The following GPHN variants were observed in gnomAD, a reference collection of about 807,000 sequenced individuals.
GPHN encodes the protein gephyrin.
A neutral mutation model predicts 95.5 loss-of-function variants in GPHN; 17 were observed. The observed-to-expected ratio is 0.18, with a 90% CI of 0.12 to 0.27. GPHN has a LOEUF of 0.27. GPHN is among the 10% of genes least tolerant of loss of function. The probability of loss-of-function intolerance (pLI) is 1.00; values close to 1 mark genes in which losing one functional copy is unlikely to be tolerated. For synonymous variants in GPHN, 320 were observed against 322.5 expected, an observed-to-expected ratio of 0.99 and a Z score of 0.08; for missense variants, 660 against 978.1, an observed-to-expected ratio of 0.67 and a Z score of 4.34.
chr14:66,704,232 A>G (rs2068847405), intron 2 of GPHN, among the ~76,000 whole-genome samples: 1 of 152,102 alleles, frequency 6.6e-6, no homozygotes, highest in South Asian at 2.1e-4. Context: ...AGACTTTAAC[A>G]CCCCACTGTC....
At chr14:66,542,730 C>T (rs759206378) in intron 1 of GPHN, among the ~76,000 whole-genome samples, 4 of 152,170 alleles carry the variant, frequency 2.6e-5, no homozygotes, top group Non-Finnish European at 5.9e-5. Context: ...CAGTTATTTG[C>T]TTTCCAATTG....
At chr14:67,263,958 A>C in the GPHN span, among the ~76,000 whole-genome samples, 1 of 152,176 alleles carries the variant, frequency 6.6e-6, no homozygotes, top group Admixed American at 6.5e-5. Context: ...ATTCACAGGC[A>C]TGATGATAGC....
chr14:66,586,920 A>T (rs1331153275), intron 1 of GPHN, among the ~76,000 whole-genome samples: 1 of 152,184 alleles, frequency 6.6e-6, no homozygotes, highest in African/African-American at 2.4e-5. Flanking sequence ...AAATAAGTGA[A>T]ATAGAGACTG....
chr14:67,065,390 T>C (rs1201387558), intron 11 of GPHN, among the ~76,000 whole-genome samples: 1 of 152,210 alleles, frequency 6.6e-6, no homozygotes, highest in Non-Finnish European at 1.5e-5. Context: ...AATGTGGTGC[T>C]GAGAAGACTG....
chr14:66,821,410 G>A (rs1391649879), intron 3 of GPHN, among the ~76,000 whole-genome samples: 2 of 152,054 alleles, frequency 1.3e-5, no homozygotes, highest in Non-Finnish European at 2.9e-5. Flanking sequence ...TTCTAATTCC[G>A]TGACACCACT....
the GPHN span, chr14:67,385,481 A>G: frequency 6.6e-6 from 1 of 151,660 alleles, no homozygotes; most frequent in Non-Finnish European, 1.5e-5. Flanking sequence ...TCTCCCATCA[A>G]AGCCTTTTCA....
At chr14:67,110,827 A>G (rs548225242) in intron 14 of GPHN, among the ~76,000 whole-genome samples, 6 of 152,206 alleles carry the variant, frequency 3.9e-5, no homozygotes, top group East Asian at 1.9e-4. Context: ...CCACCAAATG[A>G]CAGCCTGGAA....
chr14:67,446,200 G>A, the GPHN span: 114 of 367,534 alleles, frequency 3.1e-4, no homozygotes, highest in Non-Finnish European at 5.3e-4. Flanking sequence ...TCCCCTCTTG[G>A]GCTTCAGTTT....
the GPHN span, chr14:67,724,488 T>A: frequency 6.2e-7 from 1 of 1,608,884 alleles, no homozygotes; most frequent in Non-Finnish European, 8.5e-7. Flanking sequence ...TCTTTGCTGG[T>A]GGAGTGTGTA....
rs532973596 is a variant in GPHN at position 66,621,045 on chromosome 14, A to C, written c.65-60062A>C. ...ACTGGCGTGATCTTGGCTCACTGCA[A>C]GCTCTGCCTCCCGGGTTCACGCCAT... On this transcript the variant is annotated intron_variant, in intron 1 of 22. Transcript: ENST00000478722. 9.6e-4 allele frequency among the ~76,000 whole-genome samples: 146 copies of C among 152,054 alleles called. 1 individual carries two copies. In the Middle Eastern group the frequency reaches 0.034, roughly 35 times the overall value.
chr14:67,028,538 G>GT (rs1005025988), intron 10 of GPHN, among the ~76,000 whole-genome samples: 1 of 151,670 alleles, frequency 6.6e-6, no homozygotes, highest in African/African-American at 2.4e-5. Flanking sequence ...GTTAGTTTTT[G>GT]TTTTTTTATA....
At chr14:67,478,970 A>G in the GPHN span, among the ~76,000 whole-genome samples, 1 of 152,238 alleles carries the variant, frequency 6.6e-6, no homozygotes, top group African/African-American at 2.4e-5. Flanking sequence ...AAAGGCATGC[A>G]TATGTGCACA....
chr14:66,602,793 AG>A (rs925105446), intron 1 of GPHN, among the ~76,000 whole-genome samples: 86 of 152,016 alleles, frequency 5.7e-4, no homozygotes, highest in African/African-American at 1.9e-3. Context: ...TATATTAAGG[AG>A]GGGGGTGGAA....
chr14:67,438,864 A>G, the GPHN span, among the ~76,000 whole-genome samples: 13 of 140,600 alleles, frequency 9.2e-5, no homozygotes, highest in Admixed American at 6.7e-5. Flanking sequence ...CCGTCTCAAA[A>G]AAAAAAAAAA....
At chr14:67,593,089 A>G in the GPHN span, among the ~76,000 whole-genome samples, 1 of 152,220 alleles carries the variant, frequency 6.6e-6, no homozygotes, top group African/African-American at 2.4e-5. Context: ...ACCTGGCCAC[A>G]TTCTATTTTT....
intron 3 of GPHN, among the ~76,000 whole-genome samples, chr14:66,779,123 A>G (rs78196650): frequency 0.012 from 1,793 of 152,236 alleles, 18 homozygotes; most frequent in Non-Finnish European, 0.018. Flanking sequence ...TTGATCTATT[A>G]TATGATACAC....
chr14:67,330,138 A>AAAT, the GPHN span, among the ~76,000 whole-genome samples: 65 of 146,492 alleles, frequency 4.4e-4, no homozygotes, highest in Admixed American at 2.0e-3. Context: ...ACCAGGAAAT[A>AAAT]AATAATAATA....
intron 2 of GPHN, among the ~76,000 whole-genome samples, chr14:66,698,956 T>C (rs529918151): frequency 1.2e-4 from 18 of 152,250 alleles, no homozygotes; most frequent in Non-Finnish European, 2.4e-4. Flanking sequence ...GCATTTTGAC[T>C]GTCTTTACAG....
chr14:66,548,353 G>T (rs1448549060), intron 1 of GPHN, among the ~76,000 whole-genome samples: 1 of 151,782 alleles, frequency 6.6e-6, no homozygotes, highest in Non-Finnish European at 1.5e-5. Flanking sequence ...GCTAATTTTT[G>T]TATTTTTAGT....
Sources: allele counts gnomAD v4.1 joint callset (sites outside exome capture counted in the v4.1 genomes callset), GRCh38; gene constraint gnomAD v4.1.1; transcripts MANE v1.5; gene names NCBI Gene and HGNC (gene_info 2026-07-23, HGNC 2026-07-21).